Variants in ANKRD26 observed in about 807,000 individuals in gnomAD.
The protein encoded by ANKRD26 is ankyrin repeat domain-containing protein 26.
A neutral mutation model predicts 208.7 loss-of-function variants in ANKRD26; 141 were observed. The ratio of observed to expected loss-of-function variants is 0.68; its 90% CI spans 0.59 to 0.78. The LOEUF is 0.78. ANKRD26 is among the 30% of genes least tolerant of loss of function. The pLI is 0.00. For synonymous variants in ANKRD26, 636 were observed against 660.4 expected (o/e 0.96, Z 0.57); for missense variants, 1,889 against 1,938.7 (o/e 0.97, Z 0.48).
chr10:26,955,803 C>T, the ANKRD26 span, among the ~76,000 whole-genome samples: 1 of 152,158 alleles, frequency 6.6e-6, no homozygotes, highest in Non-Finnish European at 1.5e-5. Flanking sequence ...ATTTTATCAG[C>T]TGTGGTTCCT....
chr10:26,994,391 C>T (rs1189297688), intron 5 of ANKRD26, among the ~76,000 whole-genome samples: 1 of 152,128 alleles, frequency 6.6e-6, no homozygotes, highest in Non-Finnish European at 1.5e-5. Flanking sequence ...TCCAATGGGT[C>T]TGATGATGAA....
intron 31 of ANKRD26, among the ~76,000 whole-genome samples, chr10:27,013,795 CA>C (rs1379307455): frequency 6.6e-6 from 1 of 152,110 alleles, no homozygotes; most frequent in Non-Finnish European, 1.5e-5. Context: ...AGTTGGTGAT[CA>C]AAAAGAACTA....
chr10:26,949,757 C>A, the ANKRD26 span, among the ~76,000 whole-genome samples: 1 of 152,208 alleles, frequency 6.6e-6, no homozygotes, highest in African/African-American at 2.4e-5. Flanking sequence ...CCCTCCTCGA[C>A]CTCCCAAAGT....
chr10:26,969,837 T>G (rs1564323252), downstream of ANKRD26, among the ~76,000 whole-genome samples: 1 of 151,716 alleles, frequency 6.6e-6, no homozygotes, highest in African/African-American at 2.4e-5. Flanking sequence ...TAATTTTTAT[T>G]TTTTTGAGAT....
intron 27 of ANKRD26, among the ~76,000 whole-genome samples, chr10:27,026,889 C>CA (rs369483809): frequency 6.6e-6 from 1 of 152,128 alleles, no homozygotes; most frequent in African/African-American, 2.4e-5. Flanking sequence ...TGGGTTCAAG[C>CA]AATTCTCCTA....
rs868591204 is a variant in ANKRD26, at chr10:27,033,500, T to C, written c.3655-123A>G. The C allele has an allele frequency of 4.7e-5, 45 of 959,870 alleles. No homozygotes were observed. The African/African-American group carries it at 5.6e-4, about 12-fold the overall frequency. The allele number at this position is 959,870 out of a possible 1,614,324, so 59.5% of individuals were successfully genotyped here. On this transcript the variant is annotated intron_variant, in intron 24 of 33. Transcript: ENST00000376087. The stretch of plus-strand genomic sequence containing the variant: ...AACTTAAAAAATATTACCACATACA[T>C]TGATTCACCTTCTTGTCCTCATATG...
At position 27,033,264 on chromosome 10, in the gene ANKRD26, T is replaced by C. The variant is rs2053937333; in HGVS notation, c.3768A>G (p.Thr1256=). 2 of 1,612,446 alleles carry C rather than the reference T, an allele frequency of 1.2e-6. No homozygotes were observed. Among genetic ancestry groups the C allele is most frequent in the Non-Finnish European group, 1.7e-6 (2 of 1,178,846 alleles). The change falls in exon 25 of 34, where the codon ACA becomes ACG. Residue 1256 remains threonine (T), a synonymous_variant. Transcript: ENST00000376087. ...SRYRINLEDE[T]QDLKKKLGQI... ...GACCTAATTTCTTCTTTAAATCCTG[T>C]GTCTCATCTTCTAAATTAATACGAT...
In ANKRD26 at chr10:27,030,436, G is replaced by A. The variant is rs959497645; in HGVS notation, c.3808-1080C>T. Reference sequence around the variant, plus strand: ...GACTGAAAACACTGGACTCTGCTGCGAAACAAGGTTCCCAAATCAAGTCAT... The same window carrying A: ...GACTGAAAACACTGGACTCTGCTGCAAAACAAGGTTCCCAAATCAAGTCAT... On this transcript the variant is annotated intron_variant, in intron 25 of 33. Coordinates refer to ENST00000376087, the MANE Select transcript of ANKRD26 (RefSeq NM_014915.3). 11 of 985,246 alleles carry A rather than the reference G, an allele frequency of 1.1e-5. No individual in the cohort carries two copies. The South Asian group carries it at 1.4e-4, about 13-fold the overall frequency. 61.0% of individuals were successfully genotyped at this position (985,246 alleles called of 1,614,324 possible).
At chr10:26,986,705 A>C (rs2134645110) in intron 3 of ANKRD26, among the ~76,000 whole-genome samples, 1 of 152,352 alleles carries the variant, frequency 6.6e-6, no homozygotes, top group Non-Finnish European at 1.5e-5. Flanking sequence ...GCCATCAGAG[A>C]AATGCAAATC....
intron 7 of ANKRD26, 122 bp from the exon 8 acceptor site, chr10:27,077,815 C>A (rs913606192): frequency 2.3e-6 from 2 of 882,932 alleles, no homozygotes; most frequent in South Asian, 1.5e-5. Flanking sequence ...ATTTTGGAGT[C>A]ACTCAGATGT....
the ANKRD26 span, among the ~76,000 whole-genome samples, chr10:26,967,023 T>G: frequency 6.6e-6 from 1 of 152,228 alleles, no homozygotes; most frequent in African/African-American, 2.4e-5. Flanking sequence ...CCACGACCAC[T>G]AATCATAATA....
exon 6 of ANKRD26, among the ~76,000 whole-genome samples, chr10:26,974,665 C>T (rs924884602): frequency 6.6e-6 from 1 of 152,128 alleles, no homozygotes; most frequent in African/African-American, 2.4e-5. Flanking sequence ...ATCCTCCTTC[C>T]TGAAATAGAT....
intron 29 of ANKRD26, among the ~76,000 whole-genome samples, chr10:27,020,306 C>G (rs182055094): frequency 6.6e-6 from 1 of 152,308 alleles, no homozygotes; most frequent in Non-Finnish European, 1.5e-5. Flanking sequence ...TCAAAATCCT[C>G]TTTTTAGCTT....
intron 33 of ANKRD26, 41 bp from the exon 34 acceptor site, chr10:27,005,764 AT>A: frequency 6.3e-7 from 1 of 1,578,984 alleles, no homozygotes. Flanking sequence ...TACCTAAAAG[AT>A]TTCATAGTTA....
chr10:26,993,782 T>C (rs1280120107), intron 5 of ANKRD26, among the ~76,000 whole-genome samples: 1 of 152,184 alleles, frequency 6.6e-6, no homozygotes, highest in African/African-American at 2.4e-5. Flanking sequence ...AGAAAGGAGA[T>C]ACCCAACATG....
At chr10:26,959,037 C>T in the ANKRD26 span, among the ~76,000 whole-genome samples, 4 of 152,068 alleles carry the variant, frequency 2.6e-5, no homozygotes, top group East Asian at 7.7e-4. Context: ...ATTTGCATTT[C>T]TCTAATGATC....
intron 4 of ANKRD26, among the ~76,000 whole-genome samples, chr10:27,090,096 G>A (rs1253290283): frequency 3.3e-5 from 5 of 152,136 alleles, no homozygotes; most frequent in Non-Finnish European, 7.3e-5. Flanking sequence ...TGAACAAAAA[G>A]CCTGACTATA....
intron 3 of ANKRD26, among the ~76,000 whole-genome samples, chr10:26,985,597 G>A (rs571564333): frequency 6.6e-6 from 1 of 152,120 alleles, no homozygotes; most frequent in Non-Finnish European, 1.5e-5. Context: ...TCAGCAGATT[G>A]GTTACCCTGC....
At position 27,004,651 on chromosome 10, in the gene ANKRD26, A is replaced by T. The variant is rs1261496520; in HGVS notation, c.*939T>A. On this transcript the variant is annotated 3_prime_UTR_variant, in exon 34 of 34. Transcript: ENST00000376087. ...TGATACTCCTGCCAAAAAATCATAT[A>T]ATCTAAATCTAATCACCATGAAACC... 2 of 152,158 alleles carry T rather than the reference A, an allele frequency of 1.3e-5. No homozygotes were observed. Among genetic ancestry groups the T allele is most frequent in the Non-Finnish European group, 2.9e-5 (2 of 68,014 alleles). 9.4% of individuals were successfully genotyped at this position (152,158 alleles called of 1,614,324 possible). A position where few individuals can be genotyped will look rare whatever the true frequency, so the allele number is the denominator to read the frequency against.
Sources: gnomAD v4.1 joint callset for allele counts (sites outside exome capture counted in the v4.1 genomes callset) on GRCh38, gnomAD v4.1.1 for gene constraint, MANE v1.5 for transcripts, NCBI Gene and HGNC (gene_info 2026-07-23, HGNC 2026-07-21) for gene names.